Variants in SSUH2 observed in about 807,000 individuals in gnomAD.
The protein encoded by SSUH2 is protein SSUH2 homolog.
SSUH2 carries 47 observed loss-of-function variants against 55.3 expected under a neutral mutation model. That is an observed-to-expected ratio of 0.85 (90% CI 0.67 to 1.08). The LOEUF (loss-of-function observed/expected upper bound fraction) is 1.08, where lower values mean the gene tolerates loss of function less well. Among genes scored for constraint, SSUH2 ranks in the 50% least tolerant of loss-of-function variants. The pLI, the probability that SSUH2 is intolerant of heterozygous loss-of-function variation, is 0.00. For synonymous variants in SSUH2, 212 were observed against 191.5 expected (o/e 1.11, Z -0.89); for missense variants, 535 against 490.7 (o/e 1.09, Z -0.85).
chr3:8,629,538 G>A, intron 7 of SSUH2, 126 bp downstream of exon 7: 1 of 769,306 alleles, frequency 1.3e-6, no homozygotes, highest in Non-Finnish European at 2.2e-6. Context: ...CAGAAAGGGA[G>A]GATGACTTGG....
chr3:8,624,461 G>C (rs1352115034), intron 10 of SSUH2, among the ~76,000 whole-genome samples: 1 of 152,282 alleles, frequency 6.6e-6, no homozygotes, highest in East Asian at 1.9e-4. Flanking sequence ...GGCTTCTGGT[G>C]GGGGGATGCC....
At chr3:8,625,118 A>C (rs1964626) in intron 10 of SSUH2, among the ~76,000 whole-genome samples, 1 of 151,682 alleles carries the variant, frequency 6.6e-6, no homozygotes, top group Non-Finnish European at 1.5e-5. Flanking sequence ...TGTAAGCTCT[A>C]TGAGGGCAGG....
At chr3:8,641,480 G>C (rs947642576) in intron 1 of SSUH2, among the ~76,000 whole-genome samples, 14 of 152,318 alleles carry the variant, frequency 9.2e-5, no homozygotes, top group African/African-American at 3.4e-4. Context: ...GGGGACTCTG[G>C]AAACTGATTC....
chr3:8,644,864 T>C, upstream of SSUH2: 3 of 930,074 alleles, frequency 3.2e-6, no homozygotes, highest in Non-Finnish European at 5.1e-6. Flanking sequence ...GGCCCATTGT[T>C]ACCCAGTTGG....
intron 7 of SSUH2, among the ~76,000 whole-genome samples, chr3:8,657,153 T>C (rs1703016703): frequency 6.6e-6 from 1 of 152,200 alleles, no homozygotes; most frequent in Admixed American, 6.5e-5. Flanking sequence ...AGTGCTGGGA[T>C]TACAGGCCTG....
intron 5 of SSUH2, 90 bp downstream of exon 5, chr3:8,631,959 A>C: frequency 2.0e-6 from 2 of 1,011,550 alleles, no homozygotes; most frequent in Non-Finnish European, 3.1e-6. Context: ...ATCTTATTTG[A>C]GATGAGTGCC....
intron 3 of SSUH2, among the ~76,000 whole-genome samples, chr3:8,672,861 T>C (rs1464615129): frequency 6.6e-6 from 1 of 152,130 alleles, no homozygotes; most frequent in East Asian, 1.9e-4. Context: ...TCATACGCCA[T>C]CCTCTGGAGA....
chr3:8,641,564 G>T (rs1242212672), intron 1 of SSUH2, among the ~76,000 whole-genome samples: 1 of 152,142 alleles, frequency 6.6e-6, no homozygotes, highest in Non-Finnish European at 1.5e-5. Flanking sequence ...ACTCCCCAAA[G>T]TAGATGCTGT....
chr3:8,678,828 C>A (rs1483986096), intron 2 of SSUH2, among the ~76,000 whole-genome samples: 2 of 112,690 alleles, frequency 1.8e-5, no homozygotes, highest in African/African-American at 6.1e-5. Context: ...GCACTCCCCA[C>A]GAGGCGGGGA....
At chr3:8,640,491 A>G (rs1700646426) in intron 1 of SSUH2, among the ~76,000 whole-genome samples, 1 of 152,208 alleles carries the variant, frequency 6.6e-6, no homozygotes, top group African/African-American at 2.4e-5. Context: ...GCCCTTACCC[A>G]CAAGAGAGGA....
chr3:8,675,346 G>C (rs143034623), intron 3 of SSUH2, among the ~76,000 whole-genome samples: 3 of 152,292 alleles, frequency 2.0e-5, no homozygotes, highest in Admixed American at 6.5e-5. Context: ...CACCATCTTC[G>C]GGAAGGCGTT....
intron 5 of SSUH2, 111 bp downstream of exon 5, chr3:8,631,938 A>AGG: frequency 1.2e-6 from 1 of 837,100 alleles, no homozygotes; most frequent in Non-Finnish European, 2.0e-6. Context: ...CAAGGCTCCA[A>AGG]GCAGAAGACC....
At chr3:8,640,859 T>G (rs1700710988) in intron 1 of SSUH2, among the ~76,000 whole-genome samples, 1 of 152,252 alleles carries the variant, frequency 6.6e-6, no homozygotes, top group Non-Finnish European at 1.5e-5. Flanking sequence ...GCAGCAAATA[T>G]TGCAATTTTT....
chr3:8,657,971 A>G (rs1703098163), intron 7 of SSUH2, among the ~76,000 whole-genome samples: 1 of 152,210 alleles, frequency 6.6e-6, no homozygotes, highest in South Asian at 2.1e-4. Context: ...TCCCCACGAC[A>G]ACTCCAAGGC....
At chr3:8,639,432 A>G (rs1402682434) in intron 1 of SSUH2, among the ~76,000 whole-genome samples, 2 of 152,232 alleles carry the variant, frequency 1.3e-5, no homozygotes, top group South Asian at 2.1e-4. Flanking sequence ...TGGCAGAGAT[A>G]GAAATAGCAC....
intron 3 of SSUH2, chr3:8,634,463 T>G: frequency 1.6e-6 from 2 of 1,290,038 alleles, no homozygotes; most frequent in Non-Finnish European, 2.0e-6. Flanking sequence ...TGCATCTTCA[T>G]GCATTTCTCC....
chr3:8,675,764 T>G (rs1370580981), intron 3 of SSUH2, among the ~76,000 whole-genome samples: 3 of 152,140 alleles, frequency 2.0e-5, no homozygotes, highest in East Asian at 1.9e-4. Context: ...ACCTTTGGAA[T>G]GGGGATCCCA....
intron 1 of SSUH2, among the ~76,000 whole-genome samples, chr3:8,641,569 T>G (rs1381652821): frequency 6.6e-6 from 1 of 152,220 alleles, no homozygotes. Context: ...CCAAAGTAGA[T>G]GCTGTATCTT....
intron 2 of SSUH2, among the ~76,000 whole-genome samples, chr3:8,679,180 CACACTGGCTCTTGGGA>C (rs1705746868): frequency 1.1e-5 from 1 of 89,914 alleles, no homozygotes; most frequent in African/African-American, 3.8e-5. Flanking sequence ...GCTGTTCCCC[CACACTGGCTCTTGGGA>C]CCCCCATCGC....
Sources: gnomAD v4.1 joint callset for allele counts (sites outside exome capture counted in the v4.1 genomes callset) on GRCh38, gnomAD v4.1.1 for gene constraint, MANE v1.5 for transcripts, NCBI Gene and HGNC (gene_info 2026-07-23, HGNC 2026-07-21) for gene names.